Variants in PPFIBP2 observed in about 807,000 individuals in gnomAD.
The protein encoded by PPFIBP2 is liprin-beta-2.
Under a neutral mutation model 118.3 loss-of-function variants are expected in PPFIBP2, and 118 were observed. That is an observed-to-expected ratio of 1.00 (90% CI 0.86 to 1.16). PPFIBP2 has a LOEUF of 1.16. Ranked by LOEUF, PPFIBP2 falls within the 50% of genes most tolerant of loss-of-function variation. The probability of loss-of-function intolerance (pLI) is 0.00; values close to 1 mark genes in which losing one functional copy is unlikely to be tolerated. For missense variants in PPFIBP2, 1,195 were observed against 1,073.1 expected, an observed-to-expected ratio of 1.11 and a Z score of -1.59; for synonymous variants, 414 against 397.4, an observed-to-expected ratio of 1.04 and a Z score of -0.50.
chr11:7,666,651 C>T, the PPFIBP2 span: 1 of 753,788 alleles, frequency 1.3e-6, no homozygotes, highest in Non-Finnish European at 2.2e-6. Flanking sequence ...GCTGCCACCA[C>T]TCCAGCTGGA....
At chr11:7,657,556 C>T (rs1168526646), downstream of PPFIBP2, among the ~76,000 whole-genome samples, 2 of 152,162 alleles carry the variant, frequency 1.3e-5, no homozygotes, top group Non-Finnish European at 1.5e-5. Flanking sequence ...AGTGGAAGGC[C>T]CTTGAGCACC....
chr11:7,607,376 AT>A (rs35087058), intron 5 of PPFIBP2, among the ~76,000 whole-genome samples: 3 of 147,234 alleles, frequency 2.0e-5, no homozygotes, highest in Non-Finnish European at 1.5e-5. Context: ...ACGGGTGCTA[AT>A]TTTTTTTTTG....
At chr11:7,589,303 T>C (rs1329364386) in intron 3 of PPFIBP2, among the ~76,000 whole-genome samples, 1 of 152,052 alleles carries the variant, frequency 6.6e-6, no homozygotes, top group Non-Finnish European at 1.5e-5. Context: ...AATAGAAAAT[T>C]AGCATGTAGG....
intron 22 of PPFIBP2, chr11:7,651,422 C>A: frequency 2.1e-6 from 1 of 468,636 alleles, no homozygotes; most frequent in Non-Finnish European, 3.8e-6. Context: ...CAAAGAGGTC[C>A]CAGTTCTCTG....
intron 1 of PPFIBP2, among the ~76,000 whole-genome samples, chr11:7,518,720 G>A (rs550383012): frequency 6.6e-6 from 1 of 152,282 alleles, no homozygotes; most frequent in African/African-American, 2.4e-5. Context: ...GAAATGAACC[G>A]AGTCTTTTGT....
In PPFIBP2 at chr11:7,653,558, G is replaced by A. The variant is rs1401249009; in HGVS notation, c.*340G>A. On this transcript the variant is annotated 3_prime_UTR_variant, in exon 24 of 24. Coordinates refer to ENST00000299492, the MANE Select transcript of PPFIBP2 (RefSeq NM_003621.5). ...GTCCAGAGACCATGGACACTCCCAC[G>A]AGGCTCAGCTCTCAGGCACCCCCTA... 7.6e-6 allele frequency: 10 copies of A among 1,315,088 alleles called. No individual in the cohort carries two copies. The highest frequency in any genetic ancestry group is 1.5e-5 in the African/African-American group (1 of 67,052). 81.5% of individuals were successfully genotyped at this position (1,315,088 alleles called of 1,614,324 possible). A position where few individuals can be genotyped will look rare whatever the true frequency, so the allele number is the denominator to read the frequency against.
At chr11:7,654,300 C>T (rs1854482599), downstream of PPFIBP2, among the ~76,000 whole-genome samples, 2 of 152,202 alleles carry the variant, frequency 1.3e-5, no homozygotes, top group African/African-American at 4.8e-5. Flanking sequence ...CCTTGTCTGG[C>T]TGGGACTGAG....
chr11:7,638,558 T>G (rs917021267), intron 14 of PPFIBP2, among the ~76,000 whole-genome samples: 3 of 152,252 alleles, frequency 2.0e-5, no homozygotes, highest in Non-Finnish European at 4.4e-5. Flanking sequence ...ATTTGGCCTT[T>G]AGCTAAATGG....
chr11:7,649,145 A>T lies in PPFIBP2; in HGVS notation c.1910-2A>T, dbSNP rs1463156969. On this transcript the variant is annotated splice_acceptor_variant, in intron 19 of 23. Coordinates refer to ENST00000299492, the MANE Select transcript of PPFIBP2 (RefSeq NM_003621.5). LOFTEE classifies it high-confidence loss of function. ...ACACATCTGGGGTTTTTGTATTTGTAGGGTGGCTTGATGATATTGGCTTAC... is the reference window on the plus strand; with the variant it reads ...ACACATCTGGGGTTTTTGTATTTGTTGGGTGGCTTGATGATATTGGCTTAC... The T allele has an allele frequency of 8.7e-6, 14 of 1,613,014 alleles. No homozygotes were observed. The South Asian group carries it at 1.5e-4, about 18-fold the overall frequency.
At chr11:7,620,663 A>C (rs946172099) in intron 6 of PPFIBP2, among the ~76,000 whole-genome samples, 1 of 152,210 alleles carries the variant, frequency 6.6e-6, no homozygotes, top group Non-Finnish European at 1.5e-5. Flanking sequence ...GGCATACCCC[A>C]CAGAGGACAT....
intron 1 of PPFIBP2, among the ~76,000 whole-genome samples, chr11:7,528,079 A>G (rs1850381154): frequency 6.6e-6 from 1 of 152,122 alleles, no homozygotes; most frequent in Non-Finnish European, 1.5e-5. Flanking sequence ...GCCTGACCCC[A>G]AACTCTGTTC....
chr11:7,554,151 C>A (rs963874728), intron 2 of PPFIBP2, among the ~76,000 whole-genome samples: 1 of 152,190 alleles, frequency 6.6e-6, no homozygotes, highest in Non-Finnish European at 1.5e-5. Context: ...AGTAGTGCCA[C>A]CACCACTGCC....
At chr11:7,557,793 G>A (rs950701352) in intron 2 of PPFIBP2, among the ~76,000 whole-genome samples, 8 of 152,120 alleles carry the variant, frequency 5.3e-5, no homozygotes, top group African/African-American at 1.7e-4. Context: ...TTGTAGGTCT[G>A]GGATGGGATC....
chr11:7,661,111 T>A (rs1160891394), downstream of PPFIBP2, among the ~76,000 whole-genome samples: 1 of 152,082 alleles, frequency 6.6e-6, no homozygotes, highest in East Asian at 1.9e-4. Context: ...CCTGGATTCA[T>A]TAATTTTTTG....
chr11:7,664,736 T>A, the PPFIBP2 span, among the ~76,000 whole-genome samples: 2 of 151,246 alleles, frequency 1.3e-5, no homozygotes, highest in African/African-American at 4.9e-5. Context: ...CAGAGTGGGG[T>A]CTCCCTTGAA....
At chr11:7,660,010 C>A (rs1371127688), downstream of PPFIBP2, among the ~76,000 whole-genome samples, 2 of 125,128 alleles carry the variant, frequency 1.6e-5, 1 homozygote, top group Non-Finnish European at 3.8e-5. Flanking sequence ...TATCCTGAGA[C>A]TTTGCTGAAG....
At chr11:7,633,772 C>A (rs1235513736) in intron 12 of PPFIBP2, among the ~76,000 whole-genome samples, 1 of 152,186 alleles carries the variant, frequency 6.6e-6, no homozygotes, top group African/African-American at 2.4e-5. Flanking sequence ...TATGAGTTCA[C>A]TGAGGGAAAG....
At chr11:7,576,440 T>A (rs958511430) in intron 3 of PPFIBP2, 1 of 152,388 alleles carries the variant, frequency 6.6e-6, no homozygotes, top group African/African-American at 2.4e-5. Flanking sequence ...GGGTGGCATC[T>A]AGGGAGTGCT....
intron 17 of PPFIBP2, among the ~76,000 whole-genome samples, chr11:7,647,319 A>C (rs1853244977): frequency 6.6e-6 from 1 of 152,218 alleles, no homozygotes; most frequent in Non-Finnish European, 1.5e-5. Context: ...TGGGATTTTT[A>C]GTGTGCTATT....
Sources: allele counts gnomAD v4.1 joint callset (sites outside exome capture counted in the v4.1 genomes callset), GRCh38; gene constraint gnomAD v4.1.1; transcripts MANE v1.5; gene names NCBI Gene and HGNC (gene_info 2026-07-23, HGNC 2026-07-21).